The following ZNF69 variants were observed in gnomAD, a reference collection of about 807,000 sequenced individuals.
The protein encoded by ZNF69 is zinc finger protein 69, also known as ZNF3.
Under a neutral mutation model 50.9 loss-of-function variants are expected in ZNF69, and 47 were observed. The ratio of observed to expected loss-of-function variants is 0.92; its 90% CI spans 0.73 to 1.18. The LOEUF is 1.18. Ranked by LOEUF, ZNF69 falls within the 50% of genes most tolerant of loss-of-function variation. The probability of loss-of-function intolerance (pLI) is 0.00; values close to 1 mark genes in which losing one functional copy is unlikely to be tolerated. For synonymous variants in ZNF69, 216 were observed against 223.1 expected, an observed-to-expected ratio of 0.97 and a Z score of 0.29; for missense variants, 717 against 675.1, an observed-to-expected ratio of 1.06 and a Z score of -0.69.
chr19:11,924,192 C>G, the ZNF69 span, among the ~76,000 whole-genome samples: 2 of 151,722 alleles, frequency 1.3e-5, no homozygotes, highest in African/African-American at 2.4e-5. Flanking sequence ...CAGCACTTTG[C>G]GGGGCCGAGG....
At chr19:11,919,461 A>C in the ZNF69 span, among the ~76,000 whole-genome samples, 1 of 151,928 alleles carries the variant, frequency 6.6e-6, no homozygotes, top group African/African-American at 2.4e-5. Flanking sequence ...TACTCTCCTC[A>C]AAATATATAC....
At chr19:11,948,474 A>G in the ZNF69 span, 2 of 1,614,158 alleles carry the variant, frequency 1.2e-6, no homozygotes, top group East Asian at 4.5e-5. Context: ...GTGACACTGG[A>G]CACAAGGCAT....
chr19:11,966,777 C>T, the ZNF69 span, among the ~76,000 whole-genome samples: 1 of 152,070 alleles, frequency 6.6e-6, no homozygotes, highest in African/African-American at 2.4e-5. Flanking sequence ...ATGCAGTTGC[C>T]TTATTTGGAC....
chr19:11,897,134 G>C (rs1474284380), intron 1 of ZNF69, among the ~76,000 whole-genome samples: 1 of 152,062 alleles, frequency 6.6e-6, no homozygotes, highest in East Asian at 1.9e-4. Flanking sequence ...GATCACCTGA[G>C]GTCAGGAGTT....
At chr19:11,950,299 C>A in the ZNF69 span, 9 of 1,566,746 alleles carry the variant, frequency 5.7e-6, no homozygotes, top group Non-Finnish European at 6.1e-6. Flanking sequence ...TGGAAGGAAG[C>A]ACTATGAATG....
At chr19:11,925,303 C>T in the ZNF69 span, 43 of 1,608,288 alleles carry the variant, frequency 2.7e-5, no homozygotes, top group Non-Finnish European at 3.6e-5. Flanking sequence ...TGTCGTGAGA[C>T]GGGGGAGGGG....
At chr19:11,947,745 C>G in the ZNF69 span, among the ~76,000 whole-genome samples, 1 of 152,216 alleles carries the variant, frequency 6.6e-6, no homozygotes, top group Non-Finnish European at 1.5e-5. Context: ...AGGGCTCACT[C>G]CTGTAATCCC....
At chr19:11,939,583 A>G in the ZNF69 span, among the ~76,000 whole-genome samples, 17 of 152,250 alleles carry the variant, frequency 1.1e-4, no homozygotes, top group African/African-American at 4.1e-4. Flanking sequence ...CCATTGGTCT[A>G]TATCTCTGTT....
chr19:11,968,223 A>T, the ZNF69 span, among the ~76,000 whole-genome samples: 2 of 152,202 alleles, frequency 1.3e-5, no homozygotes, highest in African/African-American at 4.8e-5. Flanking sequence ...TACATTTTCC[A>T]TAGAAGGCTG....
chr19:11,979,169 C>T, the ZNF69 span: 2 of 1,612,022 alleles, frequency 1.2e-6, no homozygotes, highest in Non-Finnish European at 1.7e-6. Flanking sequence ...CATGAAAAAA[C>T]TCACACTGGA....
the ZNF69 span, among the ~76,000 whole-genome samples, chr19:11,931,934 G>A: frequency 1.4e-5 from 2 of 147,730 alleles, no homozygotes; most frequent in Admixed American, 6.7e-5. Context: ...TGACGAGCAT[G>A]GAGAAACCCC....
At chr19:11,938,994 C>G in the ZNF69 span, among the ~76,000 whole-genome samples, 1 of 151,868 alleles carries the variant, frequency 6.6e-6, no homozygotes, top group African/African-American at 2.4e-5. Flanking sequence ...GAGCATTTTT[C>G]CATGTGTCTG....
chr19:11,948,680 A>T, the ZNF69 span: 1 of 1,612,254 alleles, frequency 6.2e-7, no homozygotes, highest in East Asian at 2.2e-5. Context: ...CACAGTGGGG[A>T]TGGAACTTAT....
the ZNF69 span, among the ~76,000 whole-genome samples, chr19:11,935,082 A>C: frequency 4.2e-5 from 6 of 142,926 alleles, no homozygotes; most frequent in African/African-American, 8.6e-5. Flanking sequence ...AGGCTGAGGC[A>C]GGAGAATGGC....
chr19:11,892,851 G>A (rs1371812336), intron 1 of ZNF69, among the ~76,000 whole-genome samples: 1 of 152,088 alleles, frequency 6.6e-6, no homozygotes, highest in Admixed American at 6.6e-5. Flanking sequence ...TTGTTTGTTT[G>A]TTTGTTTTGA....
downstream of ZNF69, among the ~76,000 whole-genome samples, chr19:11,918,723 A>G (rs1158789881): frequency 6.6e-6 from 1 of 151,624 alleles, no homozygotes; most frequent in Non-Finnish European, 1.5e-5. Flanking sequence ...CCAAAGTGCT[A>G]GGATTGCAGA....
chr19:11,967,664 A>G, the ZNF69 span, among the ~76,000 whole-genome samples: 1 of 152,114 alleles, frequency 6.6e-6, no homozygotes, highest in African/African-American at 2.4e-5. Context: ...CGGCCTCCCA[A>G]AGTGCTGGGA....
chr19:11,953,784 A>C, the ZNF69 span, among the ~76,000 whole-genome samples: 1 of 152,238 alleles, frequency 6.6e-6, no homozygotes, highest in South Asian at 2.1e-4. Context: ...ATTACCCTGG[A>C]TGAAAACAAA....
chr19:11,887,828 T>C lies in ZNF69; in HGVS notation c.-96T>C, dbSNP rs1976983080. 2 of 1,117,534 alleles carry C rather than the reference T, an allele frequency of 1.8e-6. No homozygotes were observed. The highest frequency in any genetic ancestry group is 2.6e-6 in the Non-Finnish European group (2 of 757,416). The allele number at this position is 1,117,534 out of a possible 1,614,324, so 69.2% of individuals were successfully genotyped here. A position where few individuals can be genotyped will look rare whatever the true frequency, so the allele number is the denominator to read the frequency against. On this transcript the variant is annotated 5_prime_UTR_variant, in exon 1 of 4. Coordinates refer to ENST00000429654, the MANE Select transcript of ZNF69 (RefSeq NM_001364730.1). ...GGGGTCGCATTCCTTACCTCACCTT[T>C]GTCCCTGCGCGGGCTGCGGCTGGGA...
Sources: allele counts gnomAD v4.1 joint callset (sites outside exome capture counted in the v4.1 genomes callset), GRCh38; gene constraint gnomAD v4.1.1; transcripts MANE v1.5; gene names NCBI Gene and HGNC (gene_info 2026-07-23, HGNC 2026-07-21).